The following DTNB variants were observed in gnomAD, a reference collection of about 807,000 sequenced individuals.
DTNB encodes the protein DTN-B.
A neutral mutation model predicts 90.7 loss-of-function variants in DTNB; 63 were observed. The observed-to-expected ratio is 0.69, with a 90% CI of 0.57 to 0.86. The LOEUF (loss-of-function observed/expected upper bound fraction) is 0.86, where lower values mean the gene tolerates loss of function less well. Ranked by LOEUF, DTNB falls within the 40% of genes least tolerant of loss-of-function variation. The pLI is 0.00. For synonymous variants in DTNB, 277 were observed against 286.7 expected (o/e 0.97, Z 0.34); for missense variants, 744 against 807.1 (o/e 0.92, Z 0.95).
chr2:25,478,939 G>T (rs1307003306), intron 10 of DTNB, among the ~76,000 whole-genome samples: 5 of 152,226 alleles, frequency 3.3e-5, no homozygotes, highest in African/African-American at 1.2e-4. Flanking sequence ...GGCACACGGA[G>T]AGAGGCAGCT....
In DTNB at chr2:25,437,574, C is replaced by T. The variant is rs536578484; in HGVS notation, c.1258-3579G>A. Among the ~76,000 whole-genome samples, 7 of 152,078 alleles carry T rather than the reference C, an allele frequency of 4.6e-5. No individual in the cohort carries two copies. The South Asian group carries it at 1.5e-3, about 32-fold the overall frequency. ...ACCGCACTCAGCTTTTATTTACAAT[C>T]TTAAACACCATAGTGCTCATTAAGA... is the stretch of plus-strand genomic sequence containing the variant. On this transcript the variant is annotated intron_variant, in intron 12 of 20. Transcript: ENST00000406818.
chr2:25,449,578 A>G (rs2058959326), intron 12 of DTNB, among the ~76,000 whole-genome samples: 1 of 151,972 alleles, frequency 6.6e-6, no homozygotes. Flanking sequence ...TATCAAGCAC[A>G]TTTTCATGTG....
chr2:25,405,758 T>G (rs2044973657), intron 16 of DTNB, among the ~76,000 whole-genome samples: 1 of 152,206 alleles, frequency 6.6e-6, no homozygotes, highest in Non-Finnish European at 1.5e-5. Context: ...AAATGCCTGC[T>G]GACTCCTGCT....
At chr2:25,382,911 T>C (rs1312663409) in intron 19 of DTNB, among the ~76,000 whole-genome samples, 1 of 152,212 alleles carries the variant, frequency 6.6e-6, no homozygotes, top group African/African-American at 2.4e-5. Flanking sequence ...TATTCGAATC[T>C]GTCTCACAGT....
Position 25,607,269 on chromosome 2 carries a change from TGG to T in DTNB, c.413_414del (p.Thr138AsnfsTer27). 1 of 1,607,818 alleles carries T rather than the reference TGG, an allele frequency of 6.2e-7. No homozygotes were observed. Among genetic ancestry groups the T allele is most frequent in the East Asian group, 2.2e-5 (1 of 44,810 alleles). On this transcript the variant is annotated frameshift_variant, in exon 5 of 21. Coordinates refer to ENST00000406818, the MANE Select transcript of DTNB (RefSeq NM_021907.5). LOFTEE classifies it high-confidence loss of function. The stretch of plus-strand genomic sequence containing the variant: ...TTGTCCAGCATTTTTCCACCACACA[TGG>T]TTGCTAACATAGCTTTAACTGAAAA... ...TVFSVKAMLA[T>X]MCGGKMLDKL...
At chr2:25,484,007 A>C (rs1314056989) in intron 9 of DTNB, among the ~76,000 whole-genome samples, 1 of 152,184 alleles carries the variant, frequency 6.6e-6, no homozygotes, top group Non-Finnish European at 1.5e-5. Flanking sequence ...TGTAGCTTGG[A>C]GGCTACATAC....
chr2:25,556,719 G>C (rs1385877834), intron 8 of DTNB, among the ~76,000 whole-genome samples: 1 of 152,170 alleles, frequency 6.6e-6, no homozygotes, highest in Non-Finnish European at 1.5e-5. Flanking sequence ...ACCACTCGGA[G>C]AATCAGAAAA....
chr2:25,594,801 A>G (rs1391781017), intron 6 of DTNB: 1 of 152,260 alleles, frequency 6.6e-6, no homozygotes, highest in Non-Finnish European at 1.5e-5. Flanking sequence ...AAATAGTTCA[A>G]TTGTTTTAAA....
At chr2:25,451,440 C>A in intron 12 of DTNB, 108 bp downstream of exon 12, 1 of 1,184,258 alleles carries the variant, frequency 8.4e-7, no homozygotes, top group Non-Finnish European at 1.2e-6. Flanking sequence ...TGGAAAGTGT[C>A]CCCGAGGTAC....
chr2:25,593,699 AT>A (rs2064002673), intron 6 of DTNB, among the ~76,000 whole-genome samples: 1 of 152,370 alleles, frequency 6.6e-6, no homozygotes, highest in South Asian at 2.1e-4. Context: ...CCTAGATAGC[AT>A]TCTTAGAATT....
chr2:25,589,795 AGTGGC>A (rs2063203196), intron 6 of DTNB, among the ~76,000 whole-genome samples: 1 of 152,184 alleles, frequency 6.6e-6, no homozygotes, highest in African/African-American at 2.4e-5. Context: ...CTTTGTGGCC[AGTGGC>A]ACCTTTGCCG....
chr2:25,538,296 T>C (rs1286889701), intron 8 of DTNB, among the ~76,000 whole-genome samples: 2 of 152,082 alleles, frequency 1.3e-5, no homozygotes, highest in African/African-American at 4.8e-5. Context: ...TCCTAGCCAC[T>C]CAGGAGGCTG....
rs2078197291 is a variant in DTNB at position 25,531,554 on chromosome 2, A to G, written c.920T>C (p.Leu307Ser). ...KKLSHAISKS[L>S]GCVPTREPPH... ...GGGTTCTCTCGTGGGTACACACCCC[A>G]AAGATTTACTAATTGCATGGCTCAG... The change falls in exon 9 of 21, where the codon TTG becomes TCG. Residue 307 changes from leucine (L) to serine (S), a missense_variant. By Grantham distance (145) the Leu-to-Ser change is moderately radical (BLOSUM62 -2). Transcript: ENST00000406818. 6.2e-7 allele frequency: 1 copy of G among 1,613,524 alleles called. No homozygotes were observed. Among genetic ancestry groups the G allele is most frequent in the Admixed American group, 1.7e-5 (1 of 59,840 alleles).
intron 15 of DTNB, 42 bp downstream of exon 15, chr2:25,427,493 G>A: frequency 6.3e-7 from 1 of 1,594,540 alleles, no homozygotes; most frequent in East Asian, 2.2e-5. Context: ...GCTGTGGTGG[G>A]AGAAGAATGA....
intron 5 of DTNB, among the ~76,000 whole-genome samples, chr2:25,596,697 T>G (rs568384844): frequency 1.3e-5 from 2 of 152,348 alleles, no homozygotes; most frequent in African/African-American, 4.8e-5. Flanking sequence ...ACTTGTATAT[T>G]CTATACTGAT....
At position 25,614,722 on chromosome 2, in the gene DTNB, C is replaced by T. The variant is rs114932311; in HGVS notation, c.363-7401G>A. On this transcript the variant is annotated intron_variant, in intron 4 of 20. Coordinates refer to ENST00000406818, the MANE Select transcript of DTNB (RefSeq NM_021907.5). ...ATTTTCTCTAAACTGCTCAGAATCC[C>T]GTTGCGATTCAATGCAATCCTCTAA... Among the ~76,000 whole-genome samples the T allele has an allele frequency of 3.5e-3, 536 of 152,224 alleles. 2 individuals are homozygous for T. The highest frequency in any genetic ancestry group is 0.012 in the African/African-American group (479 of 41,538).
chr2:25,524,398 G>A (rs890459761), intron 9 of DTNB, among the ~76,000 whole-genome samples: 2 of 140,602 alleles, frequency 1.4e-5, no homozygotes, highest in East Asian at 4.6e-4. Flanking sequence ...GAATCTACCA[G>A]AGCTTTTTTT....
intron 10 of DTNB, among the ~76,000 whole-genome samples, chr2:25,477,514 G>T (rs1304169742): frequency 1.3e-5 from 2 of 152,038 alleles, no homozygotes; most frequent in Non-Finnish European, 2.9e-5. Context: ...TAGCAATTAG[G>T]ACTACTCAGG....
At chr2:25,522,486 A>C (rs531768308) in intron 9 of DTNB, among the ~76,000 whole-genome samples, 4 of 152,278 alleles carry the variant, frequency 2.6e-5, no homozygotes, top group African/African-American at 9.6e-5. Context: ...GCAGTATTTC[A>C]GGTAATAGGA....
Sources: allele counts gnomAD v4.1 joint callset (sites outside exome capture counted in the v4.1 genomes callset), GRCh38; gene constraint gnomAD v4.1.1; transcripts MANE v1.5; gene names NCBI Gene and HGNC (gene_info 2026-07-23, HGNC 2026-07-21).